Variants in WSCD2 observed in about 807,000 individuals in gnomAD.
WSCD2 encodes the protein WSC domain sialate O sulfotransferase 2, also known as sialate:O-sulfotransferase 2.
A neutral mutation model predicts 55.7 loss-of-function variants in WSCD2; 28 were observed. The observed-to-expected ratio is 0.50, with a 90% confidence interval of 0.37 to 0.69. The LOEUF (loss-of-function observed/expected upper bound fraction) is 0.69. Ranked by LOEUF, WSCD2 falls within the 30% of genes least tolerant of loss-of-function variation. The pLI is 0.00. For synonymous variants in WSCD2, 301 were observed against 301.9 expected (o/e 1.00, Z 0.03); for missense variants, 616 against 762.1 (o/e 0.81, Z 2.26).
chr12:108,222,783 T>C (rs1198472529), intron 4 of WSCD2, among the ~76,000 whole-genome samples: 1 of 152,212 alleles, frequency 6.6e-6, no homozygotes, highest in African/African-American at 2.4e-5. Context: ...TAAAAATACA[T>C]ATTCATTGTA....
intron 2 of WSCD2, among the ~76,000 whole-genome samples, chr12:108,205,070 G>C (rs1885162212): frequency 6.6e-6 from 1 of 152,184 alleles, no homozygotes; most frequent in South Asian, 2.1e-4. Flanking sequence ...TTAGCTATGG[G>C]TCTTAGGGAG....
intron 1 of WSCD2, among the ~76,000 whole-genome samples, chr12:108,144,477 T>C (rs1877183627): frequency 6.6e-6 from 1 of 152,204 alleles, no homozygotes; most frequent in African/African-American, 2.4e-5. Context: ...TAAAACTCTC[T>C]CTGCAGAGGC....
intron 6 of WSCD2, among the ~76,000 whole-genome samples, chr12:108,229,320 C>G (rs753904891): frequency 6.6e-6 from 1 of 152,218 alleles, no homozygotes; most frequent in Non-Finnish European, 1.5e-5. Context: ...ATCATCCAAA[C>G]AGTCCAGTTG....
At chr12:108,222,086 T>C (rs1466574773) in intron 4 of WSCD2, among the ~76,000 whole-genome samples, 3 of 152,204 alleles carry the variant, frequency 2.0e-5, no homozygotes, top group Admixed American at 2.0e-4. Flanking sequence ...ATGGCTAAAA[T>C]ATAAAATTAT....
intron 4 of WSCD2, among the ~76,000 whole-genome samples, chr12:108,218,232 AGGTGCCAGTG>A (rs1887076127): frequency 6.6e-6 from 1 of 152,244 alleles, no homozygotes; most frequent in Non-Finnish European, 1.5e-5. Context: ...AGAAGGGCAG[AGGTGCCAGTG>A]GGTGCCATGT....
At chr12:108,187,216 G>T (rs1180635102) in intron 1 of WSCD2, among the ~76,000 whole-genome samples, 1 of 152,168 alleles carries the variant, frequency 6.6e-6, no homozygotes, top group Non-Finnish European at 1.5e-5. Context: ...AGCCCCTAGG[G>T]TCTGCCTCTG....
Position 108,155,081 on chromosome 12 carries a change from C to T in WSCD2, c.-552+25155C>T, listed in dbSNP as rs540474470. Among the ~76,000 whole-genome samples, 2 of 152,272 alleles carry T rather than the reference C, an allele frequency of 1.3e-5. 1 individual carries two copies. Among genetic ancestry groups the T allele is most frequent in the South Asian group, 4.1e-4 (2 of 4,822 alleles). On this transcript the variant is annotated intron_variant, in intron 1 of 8. Transcript: ENST00000547525. ...GGTTTTGGTTCTGGATCTGCTGTGA[C>T]CTCAGCCAAGTCACATTCTTTTGTG...
chr12:108,236,097 G>A (rs770995824), intron 7 of WSCD2, among the ~76,000 whole-genome samples: 2 of 152,152 alleles, frequency 1.3e-5, no homozygotes, highest in South Asian at 2.1e-4. Context: ...AGATTTGCAC[G>A]TGCTATCATC....
chr12:108,173,026 A>G (rs1880393011), intron 1 of WSCD2, among the ~76,000 whole-genome samples: 2 of 151,640 alleles, frequency 1.3e-5, no homozygotes, highest in African/African-American at 2.4e-5. Flanking sequence ...GGGAAGACAC[A>G]GTGAGAAGAC....
intron 1 of WSCD2, among the ~76,000 whole-genome samples, chr12:108,162,692 T>C (rs779851921): frequency 6.6e-6 from 1 of 152,120 alleles, no homozygotes; most frequent in African/African-American, 2.4e-5. Flanking sequence ...GGAGAATGCA[T>C]TTCCTCCATT....
Position 108,142,667 on chromosome 12 carries a change from G to A in WSCD2, c.-552+12741G>A, listed in dbSNP as rs530617206. Among the ~76,000 whole-genome samples, 3 of 152,244 alleles carry A rather than the reference G, an allele frequency of 2.0e-5. No homozygotes were observed. The South Asian group carries it at 6.2e-4, about 32-fold the overall frequency. On this transcript the variant is annotated intron_variant, in intron 1 of 8. Coordinates refer to ENST00000547525, the MANE Select transcript of WSCD2 (RefSeq NM_014653.4). ...CATCCTTACACTCTTTTATTCTCAG[G>A]CATAAAATGAAATTTATTGGCTTAT...
intron 1 of WSCD2, among the ~76,000 whole-genome samples, chr12:108,166,869 T>C (rs1351719527): frequency 2.7e-5 from 4 of 150,282 alleles, no homozygotes; most frequent in South Asian, 4.3e-4. Context: ...TGAAGTGTAG[T>C]TCCATGATCT....
intron 7 of WSCD2, among the ~76,000 whole-genome samples, chr12:108,234,294 G>A (rs1159886991): frequency 2.6e-5 from 4 of 152,204 alleles, no homozygotes; most frequent in Non-Finnish European, 5.9e-5. Context: ...TGCTGATAGA[G>A]AGTCATCCGC....
At chr12:108,135,118 ATCCATCCTTCCATCCGTCCG>A (rs1258965356) in intron 1 of WSCD2, among the ~76,000 whole-genome samples, 1 of 151,542 alleles carries the variant, frequency 6.6e-6, no homozygotes, top group Non-Finnish European at 1.5e-5. Flanking sequence ...TTCTTCAGCC[ATCCATCCTTCCATCCGTCCG>A]TCCATCCGTC....
intron 2 of WSCD2, among the ~76,000 whole-genome samples, chr12:108,196,736 G>A (rs1883974587): frequency 6.6e-6 from 1 of 152,226 alleles, no homozygotes. Flanking sequence ...AGTCCATCTT[G>A]CTGGGTCCCT....
At chr12:108,159,027 G>A (rs1878801662) in intron 1 of WSCD2, among the ~76,000 whole-genome samples, 1 of 152,168 alleles carries the variant, frequency 6.6e-6, no homozygotes, top group Non-Finnish European at 1.5e-5. Flanking sequence ...ACATCTGATG[G>A]TTAAAGACCT....
chr12:108,168,801 A>G (rs1389268558), intron 1 of WSCD2, among the ~76,000 whole-genome samples: 7 of 152,162 alleles, frequency 4.6e-5, no homozygotes, highest in African/African-American at 1.7e-4. Flanking sequence ...GTGTTTTTAT[A>G]CCATTCTCTC....
At chr12:108,151,165 A>G (rs1463207016) in intron 1 of WSCD2, among the ~76,000 whole-genome samples, 1 of 151,890 alleles carries the variant, frequency 6.6e-6, no homozygotes, top group Non-Finnish European at 1.5e-5. Flanking sequence ...CCTACCATCT[A>G]CTACAGGCTT....
At chr12:108,183,154 T>G (rs1028043160) in intron 1 of WSCD2, among the ~76,000 whole-genome samples, 2 of 152,214 alleles carry the variant, frequency 1.3e-5, no homozygotes, top group Admixed American at 1.3e-4. Flanking sequence ...TGAGAAACTC[T>G]GGTCGTGACT....
Sources: gnomAD v4.1 joint callset for allele counts (sites outside exome capture counted in the v4.1 genomes callset) on GRCh38, gnomAD v4.1.1 for gene constraint, MANE v1.5 for transcripts, NCBI Gene and HGNC (gene_info 2026-07-23, HGNC 2026-07-21) for gene names.